CCDC88C: variants seen among roughly 807,000 people sequenced by gnomAD.
The protein encoded by CCDC88C is coiled-coil and HOOK domain protein 88C.
CCDC88C carries 131 observed loss-of-function variants against 198.8 expected under a neutral mutation model. The observed-to-expected ratio is 0.66, with a 90% confidence interval of 0.57 to 0.76. CCDC88C has a LOEUF of 0.76. Ranked by LOEUF, CCDC88C falls within the 30% of genes least tolerant of loss-of-function variation. The pLI is 0.00. For synonymous variants in CCDC88C, 1,166 were observed against 1,114.7 expected (o/e 1.05, Z -0.92); for missense variants, 2,553 against 2,631.6 (o/e 0.97, Z 0.65).
In CCDC88C at chr14:91,403,869, T is replaced by G. The variant is rs1886343859; in HGVS notation, c.270+4790A>C. Among the ~76,000 whole-genome samples the G allele has an allele frequency of 2.6e-5, 4 of 152,004 alleles. No homozygotes were observed. In the South Asian group the frequency reaches 8.4e-4, roughly 32 times the overall value. Reference sequence around the variant, plus strand: ...CGCCTGAGCCCAGTGGAGGGGGAGGTTGCAGTGAGCTAAGACTATACCACT... The same window carrying G: ...CGCCTGAGCCCAGTGGAGGGGGAGGGTGCAGTGAGCTAAGACTATACCACT... On this transcript the variant is annotated intron_variant, in intron 3 of 29. Transcript: ENST00000389857.
At chr14:91,279,192 C>G (rs1330041244) in intron 28 of CCDC88C, 46 bp downstream of exon 28, 1 of 1,513,186 alleles carries the variant, frequency 6.6e-7, no homozygotes. Context: ...GCCACTGTGC[C>G]TGGCCCAAAT....
intron 22 of CCDC88C, among the ~76,000 whole-genome samples, chr14:91,295,422 A>G (rs1196545244): frequency 6.6e-6 from 1 of 152,246 alleles, no homozygotes; most frequent in Non-Finnish European, 1.5e-5. Flanking sequence ...GGCACGTCAC[A>G]AACGTGGCAA....
At chr14:91,351,955 T>G (rs1893823490) in intron 4 of CCDC88C, among the ~76,000 whole-genome samples, 1 of 152,106 alleles carries the variant, frequency 6.6e-6, no homozygotes, top group South Asian at 2.1e-4. Flanking sequence ...GAGAGCGAAT[T>G]CATTTCCCAG....
Position 91,417,775 on chromosome 14 carries a change from G to T in CCDC88C, c.-85C>A. 2 of 1,000,972 alleles carry T rather than the reference G, an allele frequency of 2.0e-6. No homozygotes were observed. Among genetic ancestry groups the T allele is most frequent in the Non-Finnish European group, 2.6e-6 (2 of 781,226 alleles). The allele number at this position is 1,000,972 out of a possible 1,614,324, so 62.0% of individuals were successfully genotyped here. A position where few individuals can be genotyped will look rare whatever the true frequency, so the allele number is the denominator to read the frequency against. On this transcript the variant is annotated 5_prime_UTR_variant, in exon 1 of 30. Coordinates refer to ENST00000389857, the MANE Select transcript of CCDC88C (RefSeq NM_001080414.4). ...GCGGCACAAAACGGCTCCGCAGCGA[G>T]CAGCGGGCGCGGGGCTGCGGCGGCT...
At chr14:91,341,351 A>G (rs1310636322) in intron 6 of CCDC88C, among the ~76,000 whole-genome samples, 1 of 152,072 alleles carries the variant, frequency 6.6e-6, no homozygotes, top group Admixed American at 6.5e-5. Flanking sequence ...CTTTTATTGA[A>G]ATGCTTATGC....
intron 20 of CCDC88C, among the ~76,000 whole-genome samples, chr14:91,301,036 G>A (rs1891255482): frequency 6.6e-6 from 1 of 152,132 alleles, no homozygotes; most frequent in African/African-American, 2.4e-5. Context: ...ACTGCACCTT[G>A]TTGGAAAAGC....
chr14:91,375,879 A>T (rs1230577944), intron 3 of CCDC88C, among the ~76,000 whole-genome samples: 1 of 152,226 alleles, frequency 6.6e-6, no homozygotes, highest in African/African-American at 2.4e-5. Context: ...TCAATGGGGC[A>T]GGTGCCGTAA....
chr14:91,289,406 G>A (rs1195699519), intron 24 of CCDC88C, 63 bp from the exon 25 acceptor site: 9 of 1,418,560 alleles, frequency 6.3e-6, no homozygotes, highest in East Asian at 2.3e-5. Context: ...TGGGTCCCTG[G>A]TTCCCTAACA....
rs113564266 is a variant in CCDC88C at position 91,283,073 on chromosome 14, T to C, written c.4630+256A>G. ...CTTCTGGAGCTATTTGGTGCCTTCATTTCCTGAATGCCGGTGGTGGCAGTG... is the reference window on the plus strand; with the variant it reads ...CTTCTGGAGCTATTTGGTGCCTTCACTTCCTGAATGCCGGTGGTGGCAGTG... On this transcript the variant is annotated intron_variant, in intron 26 of 29. Coordinates refer to ENST00000389857, the MANE Select transcript of CCDC88C (RefSeq NM_001080414.4). 0.017 allele frequency among the ~76,000 whole-genome samples: 2,564 copies of C among 152,338 alleles called. 41 individuals carry two copies. Among genetic ancestry groups the C allele is most frequent in the Middle Eastern group, 0.024 (7 of 294 alleles).
Position 91,289,253 on chromosome 14 carries a change from G to A in CCDC88C, c.4293C>T (p.Asp1431=). 6.2e-7 allele frequency: 1 copy of A among 1,614,080 alleles called. No homozygotes were observed. The highest frequency in any genetic ancestry group is 8.5e-7 in the Non-Finnish European group (1 of 1,179,910). Residue 1431 remains aspartate, a synonymous_variant, in exon 25 of 30, where the codon GAC becomes GAT. Transcript: ENST00000389857. ...GSRERLKSTV[D]SPPWQLESSD... ...AGGACTCCAGCTGCCAGGGAGGGCT[G>A]TCCACGGTGGATTTTAAGCGTTCCC...
intron 4 of CCDC88C, among the ~76,000 whole-genome samples, chr14:91,348,092 G>T (rs1893628786): frequency 6.6e-6 from 1 of 152,108 alleles, no homozygotes; most frequent in Admixed American, 6.5e-5. Flanking sequence ...TGCAACCTCT[G>T]CCTCCTGGGT....
chr14:91,306,823 G>T (rs902321369), intron 18 of CCDC88C, among the ~76,000 whole-genome samples: 1 of 152,244 alleles, frequency 6.6e-6, no homozygotes, highest in Non-Finnish European at 1.5e-5. Flanking sequence ...AGGCTGAATT[G>T]CCATGAAGGC....
intron 26 of CCDC88C, among the ~76,000 whole-genome samples, chr14:91,282,538 T>G (rs1384180267): frequency 6.6e-6 from 1 of 152,188 alleles, no homozygotes; most frequent in African/African-American, 2.4e-5. Context: ...GTGCAATCAT[T>G]TCTCTTGTCT....
In CCDC88C at chr14:91,381,590, T is replaced by TG; in HGVS notation, c.271-21880dup. The stretch of plus-strand genomic sequence containing the variant: ...GCTCATGCCTGTAATCCTAGCACTT[T>TG]GGGAGGCCAAGTTGGGTGGATCAAT... On this transcript the variant is annotated intron_variant, in intron 3 of 29. Transcript: ENST00000389857. This position sits in a 1 kb window ranked among gnomAD's most constrained non-coding sequence, Gnocchi z 4.2. 6.6e-6 allele frequency among the ~76,000 whole-genome samples: 1 copy of TG among 152,320 alleles called. No homozygotes were observed.
At chr14:91,332,039 T>C (rs1203739719) in intron 10 of CCDC88C, among the ~76,000 whole-genome samples, 2 of 152,114 alleles carry the variant, frequency 1.3e-5, no homozygotes, top group Non-Finnish European at 2.9e-5. Context: ...GTGCAGACTC[T>C]GCCCAGCTAG....
At chr14:91,315,174 C>T (rs1892039673) in intron 14 of CCDC88C, among the ~76,000 whole-genome samples, 1 of 152,100 alleles carries the variant, frequency 6.6e-6, no homozygotes, top group Admixed American at 6.5e-5. Flanking sequence ...ACTGCTAAGG[C>T]TGGCAGAGCT....
chr14:91,272,319 TG>T lies in CCDC88C; in HGVS notation c.*305del. ...TACTGGGACATACTGGAGTAGTGTC[TG>T]CTTTGGGGGAAGTCAGTTTGTCATT... On this transcript the variant is annotated 3_prime_UTR_variant, in exon 30 of 30. Coordinates refer to ENST00000389857, the MANE Select transcript of CCDC88C (RefSeq NM_001080414.4). 2.0e-4 allele frequency: 78 copies of T among 397,940 alleles called. No individual in the cohort carries two copies. Among genetic ancestry groups the T allele is most frequent in the South Asian group, 4.1e-4 (14 of 34,546 alleles). 24.7% of individuals were successfully genotyped at this position (397,940 alleles called of 1,614,324 possible). A position where few individuals can be genotyped will look rare whatever the true frequency, so the allele number is the denominator to read the frequency against.
intron 10 of CCDC88C, among the ~76,000 whole-genome samples, chr14:91,335,275 G>A (rs1893001614): frequency 1.3e-5 from 2 of 152,030 alleles, no homozygotes; most frequent in South Asian, 2.1e-4. Context: ...AACACCCCAC[G>A]CCACCCGCCT....
intron 3 of CCDC88C, among the ~76,000 whole-genome samples, chr14:91,365,171 C>CTCACCCG (rs1371219409): frequency 2.0e-5 from 3 of 151,928 alleles, no homozygotes; most frequent in Non-Finnish European, 2.9e-5. Context: ...CTCCAACTCC[C>CTCACCCG]TCACCCCTCA....
Sources: gnomAD v4.1 joint callset for allele counts (sites outside exome capture counted in the v4.1 genomes callset) on GRCh38, gnomAD v4.1.1 for gene constraint, Gnocchi (gnomAD v3.1) non-coding constraint, MANE v1.5 for transcripts, NCBI Gene and HGNC (gene_info 2026-07-23, HGNC 2026-07-21) for gene names.